Variants in FOXN3 observed in about 807,000 individuals in gnomAD.
The protein encoded by FOXN3 is forkhead box protein N3.
In FOXN3, 7 loss-of-function variants were observed where a neutral mutation model predicts 38.4. That is an observed-to-expected ratio of 0.18 (90% CI 0.10 to 0.34). The LOEUF is 0.34. Ranked by LOEUF, FOXN3 falls within the 10% of genes least tolerant of loss-of-function variation. The pLI, the probability that FOXN3 is intolerant of heterozygous loss-of-function variation, is 1.00. For missense variants in FOXN3, 456 were observed against 613.4 expected (o/e 0.74, Z 2.71); for synonymous variants, 230 against 242.2 (o/e 0.95, Z 0.47).
At chr14:89,492,242 C>G (rs1478629529) in intron 1 of FOXN3, among the ~76,000 whole-genome samples, 1 of 152,252 alleles carries the variant, frequency 6.6e-6, no homozygotes. Context: ...CCTGGGGGGG[C>G]CAAGCACACG....
chr14:89,270,521 A>T (rs1018019339), intron 4 of FOXN3, among the ~76,000 whole-genome samples: 4 of 152,206 alleles, frequency 2.6e-5, no homozygotes, highest in African/African-American at 9.6e-5. Context: ...TATTTGACTG[A>T]CTGGAAAGGA....
At chr14:89,444,847 G>C (rs1016890304) in intron 1 of FOXN3, among the ~76,000 whole-genome samples, 1 of 152,160 alleles carries the variant, frequency 6.6e-6, no homozygotes, top group Non-Finnish European at 1.5e-5. Context: ...AAGGCCAGGT[G>C]CAGTGGCTCA....
At chr14:89,355,497 A>C (rs1182974573) in intron 2 of FOXN3, among the ~76,000 whole-genome samples, 1 of 152,056 alleles carries the variant, frequency 6.6e-6, no homozygotes, top group Non-Finnish European at 1.5e-5. Context: ...TTGGCCTCCC[A>C]AAGTGCTGGA....
chr14:89,263,304 A>G (rs542212295), intron 4 of FOXN3, among the ~76,000 whole-genome samples: 5 of 152,188 alleles, frequency 3.3e-5, no homozygotes, highest in Admixed American at 6.5e-5. Context: ...ATAGTCACAT[A>G]AGTTCATCTT....
chr14:89,315,151 C>G (rs1887683162), intron 3 of FOXN3, among the ~76,000 whole-genome samples: 1 of 151,994 alleles, frequency 6.6e-6, no homozygotes, highest in Admixed American at 6.6e-5. Flanking sequence ...ATGCCCAGGG[C>G]CCAGCATCAT....
chr14:89,231,540 T>A (rs1279096825), intron 4 of FOXN3, among the ~76,000 whole-genome samples: 2 of 152,038 alleles, frequency 1.3e-5, no homozygotes, highest in East Asian at 3.9e-4. Context: ...AGTAGGGATA[T>A]GATCTGATTT....
intron 1 of FOXN3, among the ~76,000 whole-genome samples, chr14:89,530,353 A>G (rs1034514447): frequency 3.3e-5 from 5 of 152,218 alleles, no homozygotes; most frequent in African/African-American, 1.2e-4. Context: ...CATGTCTTAC[A>G]TGGCAGCAGG....
intron 5 of FOXN3, among the ~76,000 whole-genome samples, chr14:89,172,683 T>TC (rs1409571376): frequency 6.6e-6 from 1 of 151,672 alleles, no homozygotes; most frequent in Non-Finnish European, 1.5e-5. Flanking sequence ...GGACCAAGAG[T>TC]CCCCAAAATA....
At chr14:89,535,736 A>C (rs980146330) in intron 1 of FOXN3, among the ~76,000 whole-genome samples, 1 of 152,278 alleles carries the variant, frequency 6.6e-6, no homozygotes, top group Middle Eastern at 3.4e-3. Context: ...AGCCTACCCC[A>C]TTCAAGATCT....
At chr14:89,305,591 C>T (rs1392816368) in intron 3 of FOXN3, among the ~76,000 whole-genome samples, 2 of 152,118 alleles carry the variant, frequency 1.3e-5, no homozygotes, top group Non-Finnish European at 2.9e-5. Context: ...CAGTTTCTGC[C>T]AACTGTTTTG....
chr14:89,301,412 G>A (rs531385907), intron 3 of FOXN3, among the ~76,000 whole-genome samples: 1 of 152,182 alleles, frequency 6.6e-6, no homozygotes, highest in Non-Finnish European at 1.5e-5. Flanking sequence ...GGAACTTGTG[G>A]CTGCCATGAG....
At chr14:89,510,814 C>A (rs569652145) in intron 1 of FOXN3, among the ~76,000 whole-genome samples, 2 of 152,086 alleles carry the variant, frequency 1.3e-5, no homozygotes, top group African/African-American at 4.8e-5. Context: ...TGGTGGTGTG[C>A]GCCTGTAAAT....
chr14:89,291,761 C>T (rs1045857030), intron 3 of FOXN3, among the ~76,000 whole-genome samples: 12 of 152,188 alleles, frequency 7.9e-5, no homozygotes, highest in South Asian at 2.1e-4. Context: ...AACGTGTTTG[C>T]GAACTGCGAT....
In FOXN3 at chr14:89,475,104, G is replaced by A. The variant is rs550866229; in HGVS notation, c.-14-62614C>T. On this transcript the variant is annotated intron_variant, in intron 1 of 6. Coordinates refer to the FOXN3 transcript ENST00000345097. ...GCTGGGATTACAGGCGTGAGCCACC[G>A]CGCCCGGCCAGGTGTTTCCATATCT... Among the ~76,000 whole-genome samples, 14 of 151,978 alleles carry A rather than the reference G, an allele frequency of 9.2e-5. No individual in the cohort carries two copies. In the East Asian group the frequency reaches 1.9e-3, roughly 21 times the overall value.
At chr14:89,194,728 AC>A (rs1282361408) in intron 4 of FOXN3, among the ~76,000 whole-genome samples, 2 of 151,802 alleles carry the variant, frequency 1.3e-5, no homozygotes, top group African/African-American at 2.4e-5. Context: ...AAAAAAAAAA[AC>A]ACTAGATGGA....
In FOXN3 at chr14:89,244,956, G is replaced by C. The variant is rs147366298; in HGVS notation, c.745+35994C>G. On this transcript the variant is annotated intron_variant, in intron 4 of 5. Coordinates refer to ENST00000557258, the MANE Select transcript of FOXN3 (RefSeq NM_005197.4). ...TGCTGGGGATAGCACAATGAATGAA[G>C]AAGAAAGTCCCTGTCCTCAGACCTT... Among the ~76,000 whole-genome samples, 307 of 152,284 alleles carry C rather than the reference G, an allele frequency of 2.0e-3. 1 individual carries two copies. Among genetic ancestry groups the C allele is most frequent in the African/African-American group, 6.9e-3 (287 of 41,554 alleles).
At chr14:89,294,234 C>G (rs886324922) in intron 3 of FOXN3, among the ~76,000 whole-genome samples, 2 of 152,210 alleles carry the variant, frequency 1.3e-5, no homozygotes, top group African/African-American at 4.8e-5. Flanking sequence ...TGCCTGACAC[C>G]TCAGCAGCAT....
intron 1 of FOXN3, among the ~76,000 whole-genome samples, chr14:89,473,099 A>G (rs577054985): frequency 2.6e-5 from 4 of 152,106 alleles, no homozygotes; most frequent in African/African-American, 9.6e-5. Context: ...ATCTCAGCTC[A>G]CTGTAAGCTC....
At chr14:89,369,056 A>G (rs1176792865) in intron 2 of FOXN3, among the ~76,000 whole-genome samples, 1 of 152,158 alleles carries the variant, frequency 6.6e-6, no homozygotes, top group Non-Finnish European at 1.5e-5. Context: ...AGACTCCTAG[A>G]GCCACTCTAC....
Sources: allele counts gnomAD v4.1 joint callset (sites outside exome capture counted in the v4.1 genomes callset), GRCh38; gene constraint gnomAD v4.1.1; transcripts MANE v1.5; gene names NCBI Gene and HGNC (gene_info 2026-07-23, HGNC 2026-07-21).